DPYD: variants seen among roughly 807,000 people sequenced by gnomAD.
The protein encoded by DPYD is dihydropyrimidine dehydrogenase [NADP(+)].
DPYD carries 109 observed loss-of-function variants against 116.2 expected under a neutral mutation model. That is an observed-to-expected ratio of 0.94 (90% CI 0.80 to 1.10). The LOEUF (loss-of-function observed/expected upper bound fraction) is 1.10. Among genes scored for constraint, DPYD ranks in the 50% least tolerant of loss-of-function variants. The pLI, the probability that DPYD is intolerant of heterozygous loss-of-function variation, is 0.00. For synonymous variants in DPYD, 440 were observed against 432.0 expected (o/e 1.02, Z -0.23); for missense variants, 1,302 against 1,254.5 (o/e 1.04, Z -0.57).
chr1:97,757,248 C>A (rs1665301217), intron 3 of DPYD, among the ~76,000 whole-genome samples: 2 of 152,164 alleles, frequency 1.3e-5, no homozygotes, highest in African/African-American at 4.8e-5. Context: ...AAGCTTAAAT[C>A]ATGATAGCAC....
intron 8 of DPYD, among the ~76,000 whole-genome samples, chr1:97,634,391 T>A (rs1657444270): frequency 6.6e-6 from 1 of 152,062 alleles, no homozygotes; most frequent in Admixed American, 6.6e-5. Context: ...ATGCTTAAAA[T>A]GGAAACTGAC....
intron 14 of DPYD, among the ~76,000 whole-genome samples, chr1:97,412,301 TGCCTTTTTC>T (rs929866565): frequency 3.9e-5 from 6 of 152,172 alleles, no homozygotes; most frequent in Admixed American, 3.9e-4. Context: ...CCCTTAAATG[TGCCTTTTTC>T]TCATTGTTCA....
intron 3 of DPYD, among the ~76,000 whole-genome samples, chr1:97,787,595 T>TTTTA: frequency 6.6e-6 from 1 of 152,188 alleles, no homozygotes; most frequent in Middle Eastern, 3.4e-3. Flanking sequence ...CCATTTAAAA[T>TTTTA]AATGATCCTT....
rs1008581689 is a variant in DPYD, at chr1:97,393,110, A to T, written c.1906-10649T>A. 4.6e-5 allele frequency among the ~76,000 whole-genome samples: 7 copies of T among 152,060 alleles called. No individual in the cohort carries two copies. In the East Asian group the frequency reaches 9.8e-4, roughly 21 times the overall value. ...TTTCCTTCAAAAACTCTTCCTTTGC[A>T]TTCACACTTTAGCTAACTATTTGGA... On this transcript the variant is annotated intron_variant, in intron 14 of 22. Transcript: ENST00000370192.
intron 2 of DPYD, among the ~76,000 whole-genome samples, chr1:97,835,310 T>C (rs1385557137): frequency 1.5e-4 from 23 of 152,084 alleles, no homozygotes; most frequent in Non-Finnish European, 1.5e-5. Flanking sequence ...AGTAATATTA[T>C]CCACTCAAAG....
chr1:97,892,934 AACTCTCAAGCTCTCT>A (rs1010113117), intron 1 of DPYD, among the ~76,000 whole-genome samples: 1 of 151,784 alleles, frequency 6.6e-6, no homozygotes, highest in Non-Finnish European at 1.5e-5. Context: ...TGGTTATTTA[AACTCTCAAGCTCTCT>A]ACTCCTTCAA....
At chr1:97,173,541 TTA>T (rs1395046513) in intron 20 of DPYD, among the ~76,000 whole-genome samples, 2 of 150,996 alleles carry the variant, frequency 1.3e-5, no homozygotes, top group Non-Finnish European at 3.0e-5. Flanking sequence ...TGTGAAGTAT[TTA>T]GAGTTTATTA....
At chr1:97,458,898 A>T (rs1676854926) in intron 13 of DPYD, among the ~76,000 whole-genome samples, 2 of 152,176 alleles carry the variant, frequency 1.3e-5, no homozygotes, top group African/African-American at 4.8e-5. Flanking sequence ...ATATTTATAA[A>T]TTCCCATAAA....
At chr1:97,559,089 C>G (rs554114887) in intron 11 of DPYD, among the ~76,000 whole-genome samples, 1 of 152,170 alleles carries the variant, frequency 6.6e-6, no homozygotes, top group East Asian at 1.9e-4. Context: ...ATTCTATGCA[C>G]ATTTGGGTGC....
intron 13 of DPYD, among the ~76,000 whole-genome samples, chr1:97,508,706 A>T (rs1204454195): frequency 6.6e-6 from 1 of 151,880 alleles, no homozygotes; most frequent in East Asian, 1.9e-4. Flanking sequence ...TAAAAGCATG[A>T]TATAGTGGAA....
At chr1:97,556,804 C>T (rs974291756) in intron 11 of DPYD, among the ~76,000 whole-genome samples, 10 of 151,328 alleles carry the variant, frequency 6.6e-5, no homozygotes, top group African/African-American at 2.2e-4. Flanking sequence ...TGAATAATGT[C>T]GCAATAAACA....
At chr1:97,124,145 A>C (rs1461270055) in intron 20 of DPYD, among the ~76,000 whole-genome samples, 1 of 151,112 alleles carries the variant, frequency 6.6e-6, no homozygotes, top group African/African-American at 2.4e-5. Flanking sequence ...GCAAGGCCTG[A>C]TCTGTAGGAA....
At chr1:97,088,711 G>C (rs1009170164) in intron 21 of DPYD, among the ~76,000 whole-genome samples, 1 of 152,020 alleles carries the variant, frequency 6.6e-6, no homozygotes, top group Non-Finnish European at 1.5e-5. Flanking sequence ...CCTTCCATCA[G>C]ACCCATTTAT....
At chr1:97,592,330 C>A (rs1374191120) in intron 10 of DPYD, among the ~76,000 whole-genome samples, 3 of 152,104 alleles carry the variant, frequency 2.0e-5, no homozygotes, top group African/African-American at 7.2e-5. Flanking sequence ...AGACTACTCA[C>A]CAGTCACTGG....
intron 20 of DPYD, among the ~76,000 whole-genome samples, chr1:97,143,370 A>G (rs1453635955): frequency 6.6e-6 from 1 of 152,092 alleles, no homozygotes; most frequent in Non-Finnish European, 1.5e-5. Context: ...ACATCTGACC[A>G]CTCAGAGCAA....
At chr1:97,362,138 C>T (rs1251961028) in intron 16 of DPYD, among the ~76,000 whole-genome samples, 1 of 152,228 alleles carries the variant, frequency 6.6e-6, no homozygotes, top group East Asian at 1.9e-4. Context: ...GCAAAAATCA[C>T]AAGCATTCCA....
At chr1:97,503,925 A>G (rs1679740528) in intron 13 of DPYD, among the ~76,000 whole-genome samples, 1 of 152,072 alleles carries the variant, frequency 6.6e-6, no homozygotes, top group African/African-American at 2.4e-5. Flanking sequence ...ATTAAAATAT[A>G]CATTTTGGCT....
intron 13 of DPYD, among the ~76,000 whole-genome samples, chr1:97,481,855 C>T (rs1256850958): frequency 6.6e-6 from 1 of 152,052 alleles, no homozygotes; most frequent in Admixed American, 6.6e-5. Context: ...ATTATAATCT[C>T]TACTCTCTCT....
intron 20 of DPYD, among the ~76,000 whole-genome samples, chr1:97,127,090 C>A (rs1008973125): frequency 6.6e-6 from 1 of 152,148 alleles, no homozygotes; most frequent in African/African-American, 2.4e-5. Context: ...AAGCTTCATA[C>A]AAGGGAAGTG....
Sources: gnomAD v4.1 joint callset for allele counts (sites outside exome capture counted in the v4.1 genomes callset) on GRCh38, gnomAD v4.1.1 for gene constraint, MANE v1.5 for transcripts, NCBI Gene and HGNC (gene_info 2026-07-23, HGNC 2026-07-21) for gene names.